Variants in ALG6 observed in about 807,000 individuals in gnomAD.
ALG6 encodes the protein ALG6 alpha-1,3-glucosyltransferase.
Under a neutral mutation model 66.6 loss-of-function variants are expected in ALG6, and 46 were observed. The observed-to-expected ratio is 0.69, with a 90% CI of 0.55 to 0.88. The LOEUF (loss-of-function observed/expected upper bound fraction) is 0.88. ALG6 is among the 40% of genes least tolerant of loss of function. The probability of loss-of-function intolerance (pLI) is 0.00; values close to 1 mark genes in which losing one functional copy is unlikely to be tolerated. For synonymous variants in ALG6, 185 were observed against 203.7 expected (o/e 0.91, Z 0.78); for missense variants, 505 against 586.8 (o/e 0.86, Z 1.44).
chr1:63,416,108 C>A, intron 11 of ALG6, 151 bp downstream of exon 11: 1 of 661,540 alleles, frequency 1.5e-6, no homozygotes, highest in Non-Finnish European at 2.7e-6. Context: ...TACTTAGCTT[C>A]TGTGTTAGAC....
intron 7 of ALG6, among the ~76,000 whole-genome samples, chr1:63,410,305 A>T (rs889346706): frequency 2.6e-5 from 4 of 152,116 alleles, no homozygotes; most frequent in African/African-American, 7.2e-5. Context: ...CCCAAGCTGG[A>T]GTGCAGTGGC....
chr1:63,389,807 T>C (rs1312312981), intron 2 of ALG6, among the ~76,000 whole-genome samples: 1 of 152,232 alleles, frequency 6.6e-6, no homozygotes, highest in African/African-American at 2.4e-5. Context: ...CAAGCCCAGT[T>C]ACACTGTGAC....
At chr1:63,380,778 T>G (rs939213770) in intron 2 of ALG6, among the ~76,000 whole-genome samples, 2 of 152,210 alleles carry the variant, frequency 1.3e-5, no homozygotes, top group African/African-American at 2.4e-5. Context: ...ACCTGACATT[T>G]CTTTCATGAA....
chr1:63,388,933 T>C (rs1381569417), intron 2 of ALG6, among the ~76,000 whole-genome samples: 1 of 152,222 alleles, frequency 6.6e-6, no homozygotes, highest in Non-Finnish European at 1.5e-5. Context: ...CTGAGAAGTC[T>C]GCTGCCAGAT....
intron 11 of ALG6, among the ~76,000 whole-genome samples, chr1:63,416,631 C>T (rs917036062): frequency 1.3e-5 from 2 of 151,844 alleles, no homozygotes; most frequent in African/African-American, 4.8e-5. Flanking sequence ...GATTTGTGTG[C>T]AAGAGAAACT....
intron 12 of ALG6, among the ~76,000 whole-genome samples, chr1:63,422,239 A>ATT (rs1557594955): frequency 4.4e-5 from 2 of 45,618 alleles, no homozygotes; most frequent in African/African-American, 1.3e-4. Flanking sequence ...ATAAATATAT[A>ATT]TATAAATATA....
At chr1:63,429,169 A>T (rs761449804) in intron 14 of ALG6, 43 bp downstream of exon 14, 1 of 1,404,602 alleles carries the variant, frequency 7.1e-7, no homozygotes, top group Non-Finnish European at 9.9e-7. Flanking sequence ...TCAGCATGTC[A>T]CTATTTTAAA....
intron 12 of ALG6, among the ~76,000 whole-genome samples, chr1:63,425,608 G>C (rs1644611026): frequency 1.3e-5 from 2 of 152,146 alleles, no homozygotes; most frequent in Admixed American, 6.5e-5. Flanking sequence ...AGTAATTGCA[G>C]GGCACTTGAA....
At chr1:63,405,299 G>T (rs1327415543) in intron 5 of ALG6, among the ~76,000 whole-genome samples, 2 of 152,060 alleles carry the variant, frequency 1.3e-5, no homozygotes, top group Non-Finnish European at 2.9e-5. Context: ...GTGATTATTT[G>T]GCTTCTGAAC....
At chr1:63,401,480 A>G (rs935921626) in intron 3 of ALG6, among the ~76,000 whole-genome samples, 9 of 152,082 alleles carry the variant, frequency 5.9e-5, no homozygotes, top group Admixed American at 3.3e-4. Flanking sequence ...AGCCTGGCCA[A>G]CATGGTGAAA....
In ALG6 at chr1:63,371,364, G is replaced by A. The variant is rs117827187; in HGVS notation, c.82+305G>A. ...TGAGCTAGCACTTCAAGGGAGGGGT[G>A]GAGTCTGTTTAGGGTAGAGAAGCAT... is the stretch of plus-strand genomic sequence containing the variant. On this transcript the variant is annotated intron_variant, in intron 2 of 14. Transcript: ENST00000263440. 1.8e-4 allele frequency: 65 copies of A among 366,470 alleles called. 1 individual carries two copies. The East Asian group carries it at 4.1e-3, about 23-fold the overall frequency. The allele number at this position is 366,470 out of a possible 1,614,324, so 22.7% of individuals were successfully genotyped here.
intron 3 of ALG6, among the ~76,000 whole-genome samples, chr1:63,400,194 C>CAAAAAAA (rs71577211): frequency 5.1e-5 from 1 of 19,520 alleles, no homozygotes; most frequent in South Asian, 2.2e-3. Flanking sequence ...AACTCTGTCT[C>CAAAAAAA]AAAAAAAAAA....
intron 3 of ALG6, among the ~76,000 whole-genome samples, chr1:63,399,545 T>C (rs1644434083): frequency 6.6e-6 from 1 of 152,214 alleles, no homozygotes; most frequent in East Asian, 1.9e-4. Flanking sequence ...AAACGTCTTC[T>C]TTCTGTTTGT....
At chr1:63,422,080 T>C (rs1644576924) in intron 12 of ALG6, among the ~76,000 whole-genome samples, 1 of 132,510 alleles carries the variant, frequency 7.5e-6, no homozygotes, top group South Asian at 2.2e-4. Context: ...AATATCTATA[T>C]AAATAAATAT....
intron 2 of ALG6, among the ~76,000 whole-genome samples, chr1:63,386,879 G>A (rs1214970740): frequency 1.3e-5 from 2 of 151,918 alleles, no homozygotes; most frequent in Non-Finnish European, 2.9e-5. Flanking sequence ...GTATCATTAG[G>A]TTGTTTATTT....
intron 3 of ALG6, among the ~76,000 whole-genome samples, chr1:63,400,342 T>A (rs1187716988): frequency 9.1e-6 from 1 of 110,238 alleles, no homozygotes; most frequent in African/African-American, 4.1e-5. Flanking sequence ...TATACGTATA[T>A]ATATATGTAT....
Position 63,411,996 on chromosome 1 carries a change from A to G in ALG6, c.751A>G (p.Thr251Ala), listed in dbSNP as rs61755863. The G allele has an allele frequency of 1.2e-3, 2,008 of 1,614,070 alleles. 19 individuals are homozygous for G. The African/African-American group carries it at 0.023, about 18-fold the overall frequency. The change falls in exon 9 of 15, where the codon ACA (threonine) becomes GCA (alanine). Residue 251 changes from threonine (T) to alanine (A), a missense_variant. Physicochemically the swap from Thr to Ala is moderately conservative, Grantham distance 58. Transcript: ENST00000263440. Reference sequence around the variant, plus strand: ...CGTTCTCTGCTGGCTGCCATTCTTTACAGAAAGGGAACAAACCCTGCAGGT... The same window carrying G: ...CGTTCTCTGCTGGCTGCCATTCTTTGCAGAAAGGGAACAAACCCTGCAGGT... ...SFVLCWLPFF[T>A]EREQTLQVLR...
At chr1:63,398,079 C>G (rs953197644) in intron 3 of ALG6, among the ~76,000 whole-genome samples, 1 of 152,060 alleles carries the variant, frequency 6.6e-6, no homozygotes, top group Non-Finnish European at 1.5e-5. Context: ...AGGTTATTCT[C>G]TTAGAGACTG....
At chr1:63,404,150 A>G (rs546403961) in intron 4 of ALG6, among the ~76,000 whole-genome samples, 85 of 152,324 alleles carry the variant, frequency 5.6e-4, no homozygotes, top group Admixed American at 1.6e-3. Flanking sequence ...TTTATAAAGT[A>G]TGTGTTTGGT....
Sources: gnomAD v4.1 joint callset for allele counts (sites outside exome capture counted in the v4.1 genomes callset) on GRCh38, gnomAD v4.1.1 for gene constraint, MANE v1.5 for transcripts, NCBI Gene and HGNC (gene_info 2026-07-23, HGNC 2026-07-21) for gene names.